FAM120C: variants seen among roughly 807,000 people sequenced by gnomAD.
FAM120C encodes the protein constitutive coactivator of PPAR-gamma-like protein 2.
Under a neutral mutation model 71.2 loss-of-function variants are expected in FAM120C, and 14 were observed. That is an observed-to-expected ratio of 0.20 (90% CI 0.13 to 0.31). The LOEUF (loss-of-function observed/expected upper bound fraction) is 0.31. Ranked by LOEUF, FAM120C falls within the 10% of genes least tolerant of loss-of-function variation. FAM120C has a pLI of 1.00. For missense variants in FAM120C, 500 were observed against 879.0 expected, an observed-to-expected ratio of 0.57 and a Z score of 5.45; for synonymous variants, 354 against 353.2, an observed-to-expected ratio of 1.00 and a Z score of -0.03.
intron 1 of FAM120C, among the ~76,000 whole-genome samples, chrX:54,161,095 C>T (rs782569611): frequency 8.9e-6 from 1 of 111,850 alleles, no homozygotes; most frequent in African/African-American, 3.2e-5. Flanking sequence ...AGTATTGTAA[C>T]ATATTTATGC....
intron 10 of FAM120C, among the ~76,000 whole-genome samples, chrX:54,114,057 C>T (rs2066953641): frequency 1.8e-5 from 2 of 111,259 alleles, no homozygotes; most frequent in African/African-American, 6.5e-5. Context: ...CACACACACA[C>T]ACACACACAC....
At chrX:54,125,786 T>C (rs1348923638) in intron 9 of FAM120C, among the ~76,000 whole-genome samples, 1 of 112,788 alleles carries the variant, frequency 8.9e-6, no homozygotes, top group Non-Finnish European at 1.9e-5. Flanking sequence ...TGGATAGGAA[T>C]TGCATCACAC....
chrX:54,094,500 CA>C (rs1487282971), intron 10 of FAM120C, among the ~76,000 whole-genome samples: 3 of 109,460 alleles, frequency 2.7e-5, no homozygotes, highest in African/African-American at 1.0e-4. Context: ...ACCTACATCT[CA>C]AAAGGTTGTA....
At chrX:54,155,674 T>A (rs1344779069) in intron 3 of FAM120C, among the ~76,000 whole-genome samples, 1 of 106,009 alleles carries the variant, frequency 9.4e-6, no homozygotes, top group Admixed American at 1.0e-4. Flanking sequence ...AAAAAAAAAA[T>A]AAAGTTGTAT....
chrX:54,126,349 A>G (rs920062190), intron 9 of FAM120C, among the ~76,000 whole-genome samples: 1 of 112,235 alleles, frequency 8.9e-6, no homozygotes, highest in South Asian at 3.7e-4. Flanking sequence ...AGTTTGAGCT[A>G]CACGGGTCCA....
intron 3 of FAM120C, among the ~76,000 whole-genome samples, chrX:54,153,408 TA>T (rs1425542025): frequency 1.6e-4 from 17 of 106,585 alleles, no homozygotes; most frequent in African/African-American, 5.6e-4. Context: ...CTGGATAATA[TA>T]TTTTTTTTTT....
chrX:54,090,826 T>C (rs185981337), intron 11 of FAM120C, among the ~76,000 whole-genome samples: 1 of 111,413 alleles, frequency 9.0e-6, no homozygotes, highest in African/African-American at 3.3e-5. Context: ...AGCTAGGAGG[T>C]AATGAAGCCA....
intron 10 of FAM120C, among the ~76,000 whole-genome samples, chrX:54,097,615 C>T (rs1282667215): frequency 1.8e-5 from 2 of 111,431 alleles, no homozygotes; most frequent in East Asian, 5.6e-4. Flanking sequence ...AATATTTCCC[C>T]GTTTAGTCTT....
chrX:54,152,165 G>A (rs1358729135), intron 3 of FAM120C, among the ~76,000 whole-genome samples: 5 of 108,090 alleles, frequency 4.6e-5, no homozygotes, highest in Admixed American at 4.0e-4. Flanking sequence ...TTATAGGCAC[G>A]CACCACGACT....
At chrX:54,158,467 C>G (rs1472509897) in intron 2 of FAM120C, among the ~76,000 whole-genome samples, 1 of 112,122 alleles carries the variant, frequency 8.9e-6, no homozygotes, top group Admixed American at 9.5e-5. Flanking sequence ...CTTTGAAACA[C>G]ATCTTTAAGA....
chrX:54,098,041 CTTTTTTT>C (rs782139749), intron 10 of FAM120C, among the ~76,000 whole-genome samples: 58 of 73,344 alleles, frequency 7.9e-4, no homozygotes, highest in African/African-American at 2.5e-3. Flanking sequence ...TTTTATATTA[CTTTTTTT>C]TTTTTTTTTT....
intron 10 of FAM120C, among the ~76,000 whole-genome samples, chrX:54,092,799 T>C (rs782374914): frequency 8.0e-5 from 9 of 111,879 alleles, no homozygotes; most frequent in Non-Finnish European, 1.3e-4. Flanking sequence ...CTTTCATTTT[T>C]AACCTTTCCA....
intron 13 of FAM120C, among the ~76,000 whole-genome samples, chrX:54,083,432 T>TCC (rs1227209202): frequency 9.4e-5 from 3 of 32,050 alleles, no homozygotes; most frequent in Admixed American, 3.7e-4. Context: ...AGACCCCATC[T>TCC]CCACACACAC....
At chrX:54,143,737 T>C (rs1197960424) in intron 4 of FAM120C, among the ~76,000 whole-genome samples, 2 of 111,639 alleles carry the variant, frequency 1.8e-5, no homozygotes, top group Admixed American at 1.9e-4. Flanking sequence ...ACCAGAGGTA[T>C]AAGGAGGAGC....
intron 8 of FAM120C, among the ~76,000 whole-genome samples, chrX:54,133,118 G>T (rs1557129715): frequency 8.9e-6 from 1 of 111,879 alleles, no homozygotes; most frequent in Non-Finnish European, 1.9e-5. Flanking sequence ...TTGAGAGGCT[G>T]AGGCGGGTGG....
intron 10 of FAM120C, among the ~76,000 whole-genome samples, chrX:54,111,354 T>G (rs1325439540): frequency 9.0e-6 from 1 of 111,600 alleles, no homozygotes; most frequent in African/African-American, 3.3e-5. Flanking sequence ...TTATCCCTGT[T>G]TGCTGATGAT....
intron 1 of FAM120C, among the ~76,000 whole-genome samples, chrX:54,177,135 G>C (rs1182626370): frequency 9.0e-6 from 1 of 111,599 alleles, no homozygotes; most frequent in Non-Finnish European, 1.9e-5. Flanking sequence ...GTGAGCACCA[G>C]GTAAGTCTGG....
intron 9 of FAM120C, among the ~76,000 whole-genome samples, chrX:54,129,046 G>A (rs1199154635): frequency 5.5e-5 from 6 of 108,631 alleles, no homozygotes; most frequent in Non-Finnish European, 9.6e-5. Flanking sequence ...CAGTAGGGGC[G>A]GCCGGGCAGA....
chrX:54,110,001 A>G lies in FAM120C; in HGVS notation c.2312+6544T>C, dbSNP rs192322661. On this transcript the variant is annotated intron_variant, in intron 10 of 15. Coordinates refer to ENST00000375180, the MANE Select transcript of FAM120C (RefSeq NM_017848.6). The stretch of plus-strand genomic sequence containing the variant: ...ACATTATAGAAGTATAAGAAAACGT[A>G]GAAAAATATCTTTTTTTTTTTTTTT... Among the ~76,000 whole-genome samples, 823 of 95,738 alleles carry G rather than the reference A, an allele frequency of 8.6e-3. 6 individuals carry two copies. Among genetic ancestry groups the G allele is most frequent in the Non-Finnish European group, 0.013 (654 of 49,308 alleles). The allele number at this position is 95,738 out of a possible 115,157, so 83.1% of individuals were successfully genotyped here.
Sources: gnomAD v4.1 joint callset for allele counts (sites outside exome capture counted in the v4.1 genomes callset) on GRCh38, gnomAD v4.1.1 for gene constraint, MANE v1.5 for transcripts, NCBI Gene and HGNC (gene_info 2026-07-23, HGNC 2026-07-21) for gene names.